PIK3R4: variants seen among roughly 807,000 people sequenced by gnomAD.
PIK3R4 encodes phosphoinositide-3-kinase regulatory subunit 4, also known as phosphoinositide 3-kinase regulatory subunit 4.
Under a neutral mutation model 136.5 loss-of-function variants are expected in PIK3R4, and 46 were observed. That is an observed-to-expected ratio of 0.34 (90% CI 0.27 to 0.43). The LOEUF is 0.43. PIK3R4 is among the 20% of genes least tolerant of loss of function. PIK3R4 has a pLI of 1.00. For missense variants in PIK3R4, 1,331 were observed against 1,649.5 expected, an observed-to-expected ratio of 0.81 and a Z score of 3.35; for synonymous variants, 557 against 566.7, an observed-to-expected ratio of 0.98 and a Z score of 0.24.
At chr3:130,713,265 C>A (rs975954753) in intron 9 of PIK3R4, among the ~76,000 whole-genome samples, 1 of 152,182 alleles carries the variant, frequency 6.6e-6, no homozygotes, top group African/African-American at 2.4e-5. Context: ...TGTCCCCTAA[C>A]CTTTAGGAGT....
chr3:130,681,183 GA>G, intron 17 of PIK3R4, 118 bp from the exon 18 acceptor site: 1 of 715,630 alleles, frequency 1.4e-6, no homozygotes, highest in Non-Finnish European at 2.5e-6. Flanking sequence ...GTTAACTGAA[GA>G]AATGAGAGAC....
chr3:130,704,550 C>A (rs895821838), intron 12 of PIK3R4, among the ~76,000 whole-genome samples: 3 of 152,120 alleles, frequency 2.0e-5, no homozygotes, highest in Non-Finnish European at 4.4e-5. Context: ...TATATATAAG[C>A]ACACTATGCA....
intron 7 of PIK3R4, among the ~76,000 whole-genome samples, chr3:130,722,136 T>C (rs573566742): frequency 2.6e-5 from 4 of 151,560 alleles, no homozygotes; most frequent in African/African-American, 4.8e-5. Context: ...AAGTAGGTGT[T>C]TCTAAGTTAC....
At chr3:130,703,642 A>C in intron 13 of PIK3R4, 81 bp downstream of exon 13, 1 of 1,032,624 alleles carries the variant, frequency 9.7e-7, no homozygotes, top group Non-Finnish European at 1.5e-6. Context: ...TACCCAAAAC[A>C]GTGGTTATTA....
intron 9 of PIK3R4, among the ~76,000 whole-genome samples, chr3:130,710,368 T>C (rs901926911): frequency 6.6e-6 from 1 of 152,160 alleles, no homozygotes; most frequent in East Asian, 1.9e-4. Flanking sequence ...ATAAAAGACA[T>C]TTGATAAAAT....
intron 13 of PIK3R4, among the ~76,000 whole-genome samples, chr3:130,695,270 C>T (rs754756343): frequency 6.6e-6 from 1 of 152,102 alleles, no homozygotes; most frequent in Admixed American, 6.6e-5. Flanking sequence ...AGATTGACAT[C>T]TGCCTCAAAG....
chr3:130,688,864 T>G (rs1269430150), intron 14 of PIK3R4, among the ~76,000 whole-genome samples: 1 of 152,226 alleles, frequency 6.6e-6, no homozygotes, highest in African/African-American at 2.4e-5. Flanking sequence ...TGTTGAATAT[T>G]ATTTTTATTT....
intron 2 of PIK3R4, among the ~76,000 whole-genome samples, chr3:130,743,351 T>A (rs944224421): frequency 6.6e-6 from 1 of 152,018 alleles, no homozygotes; most frequent in African/African-American, 2.4e-5. Flanking sequence ...AGTTGGAGGC[T>A]GAAGTGAGCT....
In PIK3R4 at chr3:130,679,397, A is replaced by T. The variant is rs370833096; in HGVS notation, c.3995T>A (p.Ile1332Asn). 3.2e-5 allele frequency: 51 copies of T among 1,606,358 alleles called. No homozygotes were observed. The highest frequency in any genetic ancestry group is 4.3e-5 in the Non-Finnish European group (50 of 1,173,090). The change falls in exon 20 of 20, where the codon ATC becomes AAC. Residue 1332 changes from isoleucine (I) to asparagine (N), a missense_variant. Around this residue, in one of 2 missense-constraint regions of PIK3R4, gnomAD observed 1,180 missense variants for 1,407.0 expected, o/e 0.84. Coordinates refer to ENST00000356763, the MANE Select transcript of PIK3R4 (RefSeq NM_014602.3). ...ESLPVGHHDI[I>N]TDVATFQTTQ... is the part of the protein sequence containing the mutation. ...GGTCTGGAATGTGGCGACATCAGTG[A>T]TGATGTCATGATGTCCCACGGGCAG...
chr3:130,729,730 A>G (rs901492754), intron 5 of PIK3R4, among the ~76,000 whole-genome samples: 1 of 152,174 alleles, frequency 6.6e-6, no homozygotes, highest in Non-Finnish European at 1.5e-5. Context: ...AGATTTCTCT[A>G]GTTTTTCACA....
At chr3:130,723,785 G>C in intron 6 of PIK3R4, 198 bp from the exon 7 acceptor site, 1 of 466,500 alleles carries the variant, frequency 2.1e-6, no homozygotes, top group Non-Finnish European at 3.8e-6. Context: ...GGACACCACA[G>C]AAAAGCTAAG....
At chr3:130,688,281 T>C (rs1199584081) in intron 14 of PIK3R4, among the ~76,000 whole-genome samples, 1 of 152,242 alleles carries the variant, frequency 6.6e-6, no homozygotes, top group Non-Finnish European at 1.5e-5. Context: ...AACCTGAAAC[T>C]GCTAAAATGA....
Position 130,702,738 on chromosome 3 carries a change from T to C in PIK3R4, c.3098+985A>G, listed in dbSNP as rs1307538240. 3.9e-5 allele frequency among the ~76,000 whole-genome samples: 6 copies of C among 152,306 alleles called. No homozygotes were observed. The East Asian group carries it at 9.6e-4, about 24-fold the overall frequency. ...ATCAGATAGGGACATACTTATAAAG[T>C]TGTACAAATCTAAAATATTTATCAT... On this transcript the variant is annotated intron_variant, in intron 13 of 19. Coordinates refer to ENST00000356763, the MANE Select transcript of PIK3R4 (RefSeq NM_014602.3).
At chr3:130,699,392 C>T (rs1361995757) in intron 13 of PIK3R4, among the ~76,000 whole-genome samples, 1 of 152,142 alleles carries the variant, frequency 6.6e-6, no homozygotes, top group African/African-American at 2.4e-5. Flanking sequence ...TGGAGATGTG[C>T]TTTTGGGGAG....
intron 7 of PIK3R4, among the ~76,000 whole-genome samples, chr3:130,721,942 G>C (rs2066703388): frequency 6.6e-6 from 1 of 152,044 alleles, no homozygotes; most frequent in Non-Finnish European, 1.5e-5. Context: ...CAATTAACTT[G>C]ATTGCCATAA....
chr3:130,727,621 T>A (rs1178951277), intron 6 of PIK3R4, among the ~76,000 whole-genome samples: 2 of 152,204 alleles, frequency 1.3e-5, no homozygotes, highest in South Asian at 4.1e-4. Context: ...GGTTAACAGA[T>A]AAACTGTTAC....
Position 130,686,412 on chromosome 3 carries a change from G to C in PIK3R4, c.3274C>G (p.Gln1092Glu). Reference protein sequence around the residue: ...IHPLQSRILDQKEDGCVVDMH... With the variant: ...IHPLQSRILDEKEDGCVVDMH... ...TCCACAACACAACCGTCCTCCTTCT[G>C]ATCTAGAATTCTAGAGAAATACACA... is the stretch of plus-strand genomic sequence containing the variant. Residue 1092 changes from glutamine (Q) to glutamate (E), a missense_variant, in exon 15 of 20, where the codon CAG becomes GAG. By Grantham distance (29) the Gln-to-Glu change is conservative. Coordinates refer to ENST00000356763, the MANE Select transcript of PIK3R4 (RefSeq NM_014602.3). 6.2e-7 allele frequency: 1 copy of C among 1,604,212 alleles called. No individual in the cohort carries two copies. Among genetic ancestry groups the C allele is most frequent in the Non-Finnish European group, 8.5e-7 (1 of 1,171,034 alleles).
At chr3:130,681,682 GAAAA>G in intron 16 of PIK3R4, 91 bp from the exon 17 acceptor site, 1 of 716,086 alleles carries the variant, frequency 1.4e-6, no homozygotes, top group Non-Finnish European at 2.4e-6. Context: ...GAGAAAGAAA[GAAAA>G]ATTTCTTTCT....
chr3:130,705,975 T>C (rs202058176), intron 11 of PIK3R4, among the ~76,000 whole-genome samples: 1 of 96,412 alleles, frequency 1.0e-5, no homozygotes, highest in Admixed American at 1.4e-4. Flanking sequence ...TACATTTCCA[T>C]TTTTTATATA....
Sources: gnomAD v4.1 joint callset for allele counts (sites outside exome capture counted in the v4.1 genomes callset) on GRCh38, gnomAD v4.1.1 for gene constraint, gnomAD v4.1.1 regional missense constraint, MANE v1.5 for transcripts, NCBI Gene and HGNC (gene_info 2026-07-23, HGNC 2026-07-21) for gene names.